Variants in TMEFF2 observed in about 807,000 individuals in gnomAD.
TMEFF2 encodes transmembrane protein with EGF like and two follistatin like domains 2.
TMEFF2 carries 28 observed loss-of-function variants against 53.8 expected under a neutral mutation model. That is an observed-to-expected ratio of 0.52 (90% CI 0.39 to 0.71). TMEFF2 has a LOEUF of 0.71. Among genes scored for constraint, TMEFF2 ranks in the 30% least tolerant of loss-of-function variants. The pLI, the probability that TMEFF2 is intolerant of heterozygous loss-of-function variation, is 0.00. For missense variants in TMEFF2, 353 were observed against 455.2 expected, an observed-to-expected ratio of 0.78 and a Z score of 2.04; for synonymous variants, 162 against 166.3, an observed-to-expected ratio of 0.97 and a Z score of 0.20.
At chr2:192,193,621 G>A (rs1406471031) in intron 1 of TMEFF2, among the ~76,000 whole-genome samples, 2 of 152,082 alleles carry the variant, frequency 1.3e-5, no homozygotes, top group South Asian at 4.1e-4. Context: ...TGGGAGACCC[G>A]CAAAGTGTTC....
At chr2:192,081,863 G>A (rs1224331926) in intron 4 of TMEFF2, among the ~76,000 whole-genome samples, 9 of 147,816 alleles carry the variant, frequency 6.1e-5, no homozygotes, top group African/African-American at 1.8e-4. Context: ...GTGCAGTGGC[G>A]CGATCTCGGC....
At chr2:191,992,949 C>T (rs980858328) in intron 7 of TMEFF2, among the ~76,000 whole-genome samples, 1 of 152,060 alleles carries the variant, frequency 6.6e-6, no homozygotes, top group African/African-American at 2.4e-5. Flanking sequence ...TAGATAGTGA[C>T]ACTTCTTCCC....
At chr2:192,118,068 A>G (rs2105962913) in intron 4 of TMEFF2, among the ~76,000 whole-genome samples, 1 of 151,776 alleles carries the variant, frequency 6.6e-6, no homozygotes, top group Non-Finnish European at 1.5e-5. Flanking sequence ...TAAAAAAAAA[A>G]ATAGATTTGG....
At chr2:192,057,807 A>G (rs770702149) in intron 4 of TMEFF2, 32 bp from the exon 5 acceptor site, 2 of 1,548,114 alleles carry the variant, frequency 1.3e-6, no homozygotes, top group South Asian at 2.2e-5. Context: ...AAAGGAATTC[A>G]GGTAATTGTG....
At chr2:192,158,466 T>G (rs568590524) in intron 4 of TMEFF2, among the ~76,000 whole-genome samples, 1 of 152,248 alleles carries the variant, frequency 6.6e-6, no homozygotes, top group South Asian at 2.1e-4. Context: ...CTAATAAATT[T>G]TAAAATAACA....
At chr2:192,032,961 T>A (rs80259601) in intron 5 of TMEFF2, among the ~76,000 whole-genome samples, 2 of 152,194 alleles carry the variant, frequency 1.3e-5, no homozygotes, top group African/African-American at 4.8e-5. Flanking sequence ...TTTTCTTGGT[T>A]TAAGCTCTTT....
At chr2:192,122,377 G>A (rs2105967584) in intron 4 of TMEFF2, among the ~76,000 whole-genome samples, 1 of 152,290 alleles carries the variant, frequency 6.6e-6, no homozygotes, top group African/African-American at 2.4e-5. Flanking sequence ...TGAAACTGAT[G>A]TCAGAGGAAT....
At chr2:192,193,761 TAGAGAGAGAGAGAGAGAGAGAG>T (rs530141565) in intron 1 of TMEFF2, among the ~76,000 whole-genome samples, 14 of 47,852 alleles carry the variant, frequency 2.9e-4, no homozygotes, top group Non-Finnish European at 3.9e-4. Flanking sequence ...GATAGATAGA[TAGAGAGAGAGAGAGAGAGAGAG>T]AGAGAGAGAG....
At chr2:192,038,183 G>C (rs1311333500) in intron 5 of TMEFF2, 4 of 152,160 alleles carry the variant, frequency 2.6e-5, no homozygotes, top group African/African-American at 9.7e-5. Context: ...AGGTTTTCTA[G>C]AGCACATTTG....
intron 7 of TMEFF2, among the ~76,000 whole-genome samples, chr2:191,964,198 CTCTT>C (rs901044217): frequency 1.1e-4 from 16 of 151,854 alleles, no homozygotes; most frequent in Admixed American, 2.0e-4. Context: ...TCCTTCCTTT[CTCTT>C]TCTTTCTCTC....
intron 7 of TMEFF2, among the ~76,000 whole-genome samples, chr2:191,967,862 G>A (rs970998012): frequency 2.0e-5 from 3 of 152,088 alleles, no homozygotes; most frequent in Non-Finnish European, 2.9e-5. Flanking sequence ...TGGATGTTAC[G>A]GGAAGTCCTC....
intron 4 of TMEFF2, among the ~76,000 whole-genome samples, chr2:192,138,133 T>A (rs376055078): frequency 6.6e-6 from 1 of 152,176 alleles, no homozygotes. Context: ...GAGTAATATA[T>A]TTTTGAAACA....
chr2:192,134,952 T>G (rs2105982602), intron 4 of TMEFF2, among the ~76,000 whole-genome samples: 1 of 152,334 alleles, frequency 6.6e-6, no homozygotes, highest in Non-Finnish European at 1.5e-5. Flanking sequence ...TAAAAATGAC[T>G]GGACAATACT....
intron 5 of TMEFF2, among the ~76,000 whole-genome samples, chr2:192,043,491 C>G (rs1687536020): frequency 6.6e-6 from 1 of 152,198 alleles, no homozygotes; most frequent in South Asian, 2.1e-4. Flanking sequence ...GACTAATGGA[C>G]ACTAGCTCTG....
At chr2:192,102,592 A>G (rs1387122620) in intron 4 of TMEFF2, among the ~76,000 whole-genome samples, 3 of 140,562 alleles carry the variant, frequency 2.1e-5, no homozygotes, top group African/African-American at 7.9e-5. Context: ...TTATTTTAAT[A>G]TCATCTTCTC....
chr2:192,006,522 C>T (rs1247121343), intron 5 of TMEFF2, among the ~76,000 whole-genome samples: 3 of 152,102 alleles, frequency 2.0e-5, no homozygotes, highest in African/African-American at 7.2e-5. Flanking sequence ...GGTATTAGAC[C>T]TCTATTTAAT....
chr2:192,076,017 T>C (rs1688424117), intron 4 of TMEFF2, among the ~76,000 whole-genome samples: 1 of 151,894 alleles, frequency 6.6e-6, no homozygotes, highest in African/African-American at 2.4e-5. Context: ...TGTAAGGAAC[T>C]ACCTCTGTGG....
intron 7 of TMEFF2, among the ~76,000 whole-genome samples, chr2:191,981,390 C>A (rs937948786): frequency 1.6e-4 from 25 of 152,144 alleles, no homozygotes; most frequent in African/African-American, 6.0e-4. Context: ...TTTTCTGAAA[C>A]ACTCTTGACT....
intron 4 of TMEFF2, among the ~76,000 whole-genome samples, chr2:192,161,626 T>C (rs1372674013): frequency 6.6e-6 from 1 of 152,232 alleles, no homozygotes. Flanking sequence ...AAGTTAAACA[T>C]GTGGACCAGT....
Sources: gnomAD v4.1 joint callset for allele counts (sites outside exome capture counted in the v4.1 genomes callset) on GRCh38, gnomAD v4.1.1 for gene constraint, MANE v1.5 for transcripts, NCBI Gene and HGNC (gene_info 2026-07-23, HGNC 2026-07-21) for gene names.